Variants in ARHGEF4 observed in about 807,000 individuals in gnomAD.
ARHGEF4 encodes Rho guanine nucleotide exchange factor 4.
ARHGEF4 carries 119 observed loss-of-function variants against 162.0 expected under a neutral mutation model. The observed-to-expected ratio is 0.73, with a 90% confidence interval of 0.63 to 0.86. ARHGEF4 has a LOEUF of 0.86. Among genes scored for constraint, ARHGEF4 ranks in the 40% least tolerant of loss-of-function variants. The pLI, the probability that ARHGEF4 is intolerant of heterozygous loss-of-function variation, is 0.00. For synonymous variants in ARHGEF4, 1,014 were observed against 979.9 expected (o/e 1.03, Z -0.65); for missense variants, 2,488 against 2,456.0 (o/e 1.01, Z -0.28).
At chr2:130,934,116 T>C (rs1162112617) in intron 3 of ARHGEF4, among the ~76,000 whole-genome samples, 1 of 152,244 alleles carries the variant, frequency 6.6e-6, no homozygotes, top group Admixed American at 6.5e-5. Context: ...TCTAGTGTTT[T>C]TATCATGAAA....
intron 4 of ARHGEF4, among the ~76,000 whole-genome samples, chr2:131,001,085 C>T (rs1013011959): frequency 6.6e-6 from 1 of 151,926 alleles, no homozygotes; most frequent in African/African-American, 2.4e-5. Flanking sequence ...CGGTGGCTCA[C>T]TTGGGGTCAG....
At chr2:131,041,719 C>T in intron 9 of ARHGEF4, 96 bp from the exon 10 acceptor site, 1 of 1,517,950 alleles carries the variant, frequency 6.6e-7, no homozygotes, top group South Asian at 1.3e-5. Flanking sequence ...GGCACAGCCC[C>T]AGAGGAAAGC....
chr2:130,939,526 C>T (rs1683163982), intron 3 of ARHGEF4, among the ~76,000 whole-genome samples: 1 of 152,134 alleles, frequency 6.6e-6, no homozygotes, highest in Admixed American at 6.5e-5. Context: ...TAGATGGAGT[C>T]CTTCCACTAT....
intron 4 of ARHGEF4, among the ~76,000 whole-genome samples, chr2:130,963,095 C>T (rs1278262229): frequency 6.6e-6 from 1 of 152,216 alleles, no homozygotes; most frequent in Non-Finnish European, 1.5e-5. Flanking sequence ...AAATAAAACT[C>T]CTGGCTCCTT....
intron 3 of ARHGEF4, among the ~76,000 whole-genome samples, chr2:130,936,684 T>C (rs11895304): frequency 0.021 from 3,137 of 152,242 alleles, 104 homozygotes; most frequent in African/African-American, 0.071. Flanking sequence ...GAATTACTTC[T>C]CTATTGCTGA....
chr2:131,041,472 C>G lies in ARHGEF4; in HGVS notation c.4895+10C>G. 6.2e-7 allele frequency: 1 copy of G among 1,607,360 alleles called. No homozygotes were observed. The highest frequency in any genetic ancestry group is 8.5e-7 in the Non-Finnish European group (1 of 1,176,824). On this transcript the variant is annotated intron_variant, in intron 9 of 13. Coordinates refer to ENST00000409359, the MANE Select transcript of ARHGEF4 (RefSeq NM_001367493.1). ...CGCACCCCCAGCACAGGTAGGAGGGCACTGAGGCAGGGAGGCAGCCCACGC... is the reference window on the plus strand; with the variant it reads ...CGCACCCCCAGCACAGGTAGGAGGGGACTGAGGCAGGGAGGCAGCCCACGC...
At chr2:130,940,138 G>C (rs1253640977) in intron 3 of ARHGEF4, among the ~76,000 whole-genome samples, 1 of 152,006 alleles carries the variant, frequency 6.6e-6, no homozygotes, top group Non-Finnish European at 1.5e-5. Flanking sequence ...AAATTTGTAG[G>C]TGTTTGTTAT....
At chr2:130,839,775 A>G (rs1680478906) in intron 1 of ARHGEF4, among the ~76,000 whole-genome samples, 1 of 152,162 alleles carries the variant, frequency 6.6e-6, no homozygotes, top group African/African-American at 2.4e-5. Flanking sequence ...GTATTTCAAA[A>G]TGTTCCAGAC....
chr2:130,842,604 A>G (rs565480954), intron 1 of ARHGEF4, among the ~76,000 whole-genome samples: 1 of 152,334 alleles, frequency 6.6e-6, no homozygotes, highest in African/African-American at 2.4e-5. Flanking sequence ...CAAAGCACCC[A>G]GTAGTCACTT....
intron 1 of ARHGEF4, 99 bp downstream of exon 1, chr2:130,837,091 C>G: frequency 8.8e-7 from 1 of 1,131,220 alleles, no homozygotes; most frequent in African/African-American, 1.6e-5. Context: ...CGGGCCGTCC[C>G]CTGGGCACCC....
chr2:131,039,877 A>T (rs1047547616), intron 6 of ARHGEF4, 139 bp from the exon 7 acceptor site: 2 of 1,426,728 alleles, frequency 1.4e-6, no homozygotes, highest in Non-Finnish European at 1.8e-6. Context: ...TGGTGGGGGG[A>T]GCTGGCCGGC....
intron 5 of ARHGEF4, among the ~76,000 whole-genome samples, chr2:131,030,582 C>G (rs1339913619): frequency 6.6e-6 from 1 of 152,224 alleles, no homozygotes; most frequent in Admixed American, 6.5e-5. Context: ...ATGCTGCAGG[C>G]TGGTGCTGGG....
In ARHGEF4 at chr2:130,916,467, GC is replaced by G; in HGVS notation, c.2523del (p.Gly842ValfsTer82). ...CCCCAGGGAGAATCCGCCCGCTGCG[GC>G]CGGTCGGGACGCACCGCCTCTGCAC... Reference protein sequence around the residue: ...GLPRENPPAAAGRDAPPLHHG... With the variant: ...GLPRENPPAAXGRDAPPLHHG... On this transcript the variant is annotated frameshift_variant, in exon 2 of 14. Coordinates refer to ENST00000409359, the MANE Select transcript of ARHGEF4 (RefSeq NM_001367493.1). LOFTEE classifies it high-confidence loss of function. The G allele has an allele frequency of 6.5e-7, 1 of 1,543,608 alleles. No individual in the cohort carries two copies. The highest frequency in any genetic ancestry group is 1.4e-5 in the African/African-American group (1 of 73,044).
chr2:131,041,475 T>C lies in ARHGEF4; in HGVS notation c.4895+13T>C, dbSNP rs748036150. 21 of 1,606,768 alleles carry C rather than the reference T, an allele frequency of 1.3e-5. No homozygotes were observed. Among genetic ancestry groups the C allele is most frequent in the Non-Finnish European group, 1.7e-6 (2 of 1,176,590 alleles). Reference sequence around the variant, plus strand: ...ACCCCCAGCACAGGTAGGAGGGCACTGAGGCAGGGAGGCAGCCCACGCCTC... The same window carrying C: ...ACCCCCAGCACAGGTAGGAGGGCACCGAGGCAGGGAGGCAGCCCACGCCTC... On this transcript the variant is annotated intron_variant, in intron 9 of 13. Transcript: ENST00000409359.
chr2:130,846,956 A>T (rs1004550559), intron 1 of ARHGEF4, among the ~76,000 whole-genome samples: 13 of 152,136 alleles, frequency 8.5e-5, no homozygotes, highest in African/African-American at 2.4e-4. Flanking sequence ...GTGTGTTTCC[A>T]CTGTATCCAC....
chr2:130,881,190 G>A (rs1278943029), intron 1 of ARHGEF4, among the ~76,000 whole-genome samples: 1 of 151,966 alleles, frequency 6.6e-6, no homozygotes, highest in East Asian at 1.9e-4. Context: ...ACCATGCCTG[G>A]CTAATTTTTG....
At position 131,044,285 on chromosome 2, in the gene ARHGEF4, C is replaced by T. The variant is rs776414790; in HGVS notation, c.5158-14C>T. 1 of 1,610,312 alleles carries T rather than the reference C, an allele frequency of 6.2e-7. No individual in the cohort carries two copies. Among genetic ancestry groups the T allele is most frequent in the Non-Finnish European group, 8.5e-7 (1 of 1,179,026 alleles). On this transcript the variant is annotated splice_polypyrimidine_tract_variant and intron_variant, in intron 11 of 13. Transcript: ENST00000409359. ...AGCGGTTCAGCAGCCAGGGCTGAGG[C>T]CAGCATCTGGCAGGACCTGCTCCGC...
intron 4 of ARHGEF4, among the ~76,000 whole-genome samples, chr2:130,973,828 A>G (rs1685517103): frequency 6.6e-6 from 1 of 152,222 alleles, no homozygotes. Context: ...GAGAGAATAG[A>G]TGATTTATAC....
At chr2:130,939,211 C>T (rs1157384187) in intron 3 of ARHGEF4, among the ~76,000 whole-genome samples, 1 of 152,176 alleles carries the variant, frequency 6.6e-6, no homozygotes, top group Non-Finnish European at 1.5e-5. Flanking sequence ...CAGTTGCAAC[C>T]ATGTTGCTGC....
Sources: allele counts gnomAD v4.1 joint callset (sites outside exome capture counted in the v4.1 genomes callset), GRCh38; gene constraint gnomAD v4.1.1; transcripts MANE v1.5; gene names NCBI Gene and HGNC (gene_info 2026-07-23, HGNC 2026-07-21).